ELMO1: variants seen among roughly 807,000 people sequenced by gnomAD.
The protein encoded by ELMO1 is engulfment and cell motility protein 1.
Under a neutral mutation model 98.9 loss-of-function variants are expected in ELMO1, and 26 were observed. The ratio of observed to expected loss-of-function variants is 0.26; its 90% CI spans 0.19 to 0.36. The LOEUF is 0.36. Ranked by LOEUF, ELMO1 falls within the 10% of genes least tolerant of loss-of-function variation. The pLI is 1.00. For missense variants in ELMO1, 627 were observed against 935.2 expected, an observed-to-expected ratio of 0.67 and a Z score of 4.30; for synonymous variants, 346 against 346.0, an observed-to-expected ratio of 1.00 and a Z score of 0.00.
At position 37,092,979 on chromosome 7, in the gene ELMO1, G is replaced by T. The variant is rs1275784871; in HGVS notation, c.1300+3640C>A. On this transcript the variant is annotated intron_variant, in intron 15 of 21. Transcript: ENST00000310758. ...CTCAGTAAACTCAGATACGCAGTAG[G>T]TGCAAGTAAGTCTTCCCTTCACTAA... is the stretch of plus-strand genomic sequence containing the variant. 2.6e-5 allele frequency among the ~76,000 whole-genome samples: 4 copies of T among 151,248 alleles called. No homozygotes were observed. The South Asian group carries it at 8.3e-4, about 31-fold the overall frequency.
At chr7:37,318,241 T>TG (rs1291728287) in intron 2 of ELMO1, among the ~76,000 whole-genome samples, 1 of 152,162 alleles carries the variant, frequency 6.6e-6, no homozygotes, top group African/African-American at 2.4e-5. Context: ...CTTATTTCCA[T>TG]AAGACAAGAA....
chr7:36,971,979 GCTTT>G (rs1170636889), intron 16 of ELMO1, among the ~76,000 whole-genome samples: 1 of 152,122 alleles, frequency 6.6e-6, no homozygotes, highest in Non-Finnish European at 1.5e-5. Context: ...GACCATGCGG[GCTTT>G]CTTTCTTGCT....
intron 8 of ELMO1, among the ~76,000 whole-genome samples, chr7:37,227,899 C>T (rs1793955692): frequency 6.6e-6 from 1 of 152,174 alleles, no homozygotes; most frequent in Non-Finnish European, 1.5e-5. Flanking sequence ...CCCTTACTTT[C>T]ATGAAAGTAT....
At chr7:36,910,006 C>T (rs994379596) in intron 16 of ELMO1, among the ~76,000 whole-genome samples, 13 of 152,238 alleles carry the variant, frequency 8.5e-5, no homozygotes, top group African/African-American at 2.9e-4. Context: ...CCTTCTTCTG[C>T]GTAAGGCATT....
At chr7:36,882,111 C>G (rs941729317) in intron 18 of ELMO1, among the ~76,000 whole-genome samples, 10 of 152,200 alleles carry the variant, frequency 6.6e-5, no homozygotes, top group African/African-American at 2.4e-4. Flanking sequence ...GCCATGGAAT[C>G]AGGACACATC....
intron 14 of ELMO1, among the ~76,000 whole-genome samples, chr7:37,127,418 C>A (rs1786602586): frequency 6.6e-6 from 1 of 152,174 alleles, no homozygotes; most frequent in African/African-American, 2.4e-5. Flanking sequence ...ATACTCCAAG[C>A]CCAGAGACGA....
chr7:37,024,680 A>G (rs886197729), intron 15 of ELMO1, among the ~76,000 whole-genome samples: 1 of 152,242 alleles, frequency 6.6e-6, no homozygotes, highest in Non-Finnish European at 1.5e-5. Context: ...ACAAAAACTC[A>G]TATCTTGTAG....
At chr7:37,180,264 G>A (rs979635982) in intron 13 of ELMO1, among the ~76,000 whole-genome samples, 12 of 152,048 alleles carry the variant, frequency 7.9e-5, no homozygotes, top group African/African-American at 2.7e-4. Context: ...TGCCGTCTCC[G>A]TGCCATCACT....
At chr7:37,307,807 T>C (rs767967253) in intron 4 of ELMO1, among the ~76,000 whole-genome samples, 6 of 152,300 alleles carry the variant, frequency 3.9e-5, no homozygotes, top group African/African-American at 7.2e-5. Context: ...TCAATCTCTA[T>C]GCGAATTTTA....
rs1050408989 is a variant in ELMO1 at position 36,949,495 on chromosome 7, A to T, written c.1438-54478T>A. ...CTCTCTCGGTGGCAGACATCAGACC[A>T]GGTTCTCTTGCTCTGTCCTCTTCAC... is the stretch of plus-strand genomic sequence containing the variant. On this transcript the variant is annotated intron_variant, in intron 16 of 21. Transcript: ENST00000310758. Among the ~76,000 whole-genome samples the T allele has an allele frequency of 1.1e-4, 17 of 151,514 alleles. 1 individual carries two copies. Among genetic ancestry groups the T allele is most frequent in the Non-Finnish European group, 1.5e-5 (1 of 67,852 alleles).
rs145732740 is a variant in ELMO1, at chr7:37,039,733, G to A, written c.1301-26298C>T. On this transcript the variant is annotated intron_variant, in intron 15 of 21. Coordinates refer to ENST00000310758, the MANE Select transcript of ELMO1 (RefSeq NM_014800.11). The stretch of plus-strand genomic sequence containing the variant: ...TGTCTAATTCCTCTTCCTAGCTATC[G>A]ACAATAAATACTTAAAATTCACACG... Among the ~76,000 whole-genome samples the A allele has an allele frequency of 3.1e-3, 472 of 152,172 alleles. 3 individuals are homozygous for A. The highest frequency in any genetic ancestry group is 0.011 in the African/African-American group (437 of 41,510).
intron 16 of ELMO1, among the ~76,000 whole-genome samples, chr7:36,970,010 T>A (rs1228472237): frequency 1.3e-5 from 2 of 152,146 alleles, no homozygotes; most frequent in African/African-American, 4.8e-5. Context: ...ATACCGATAG[T>A]AAAAATATGT....
At chr7:37,141,122 G>C (rs1395251126) in intron 13 of ELMO1, among the ~76,000 whole-genome samples, 4 of 152,170 alleles carry the variant, frequency 2.6e-5, no homozygotes, top group Non-Finnish European at 5.9e-5. Flanking sequence ...CAAAAATATG[G>C]AACCAGCCCA....
chr7:37,382,066 C>T (rs1802604240), intron 1 of ELMO1, among the ~76,000 whole-genome samples: 1 of 152,130 alleles, frequency 6.6e-6, no homozygotes, highest in African/African-American at 2.4e-5. Context: ...TATGTCAAGA[C>T]TCTCTGGATA....
chr7:37,156,678 G>C (rs530786535), intron 13 of ELMO1, among the ~76,000 whole-genome samples: 1 of 148,600 alleles, frequency 6.7e-6, no homozygotes. Context: ...GGCAGTAATA[G>C]CCTACCAACC....
At chr7:36,948,642 AT>A (rs1562848023) in intron 16 of ELMO1, among the ~76,000 whole-genome samples, 1 of 151,930 alleles carries the variant, frequency 6.6e-6, no homozygotes, top group South Asian at 2.1e-4. Context: ...AGATTATCTC[AT>A]TTTTTTCTTC....
chr7:37,038,967 A>G (rs909506694), intron 15 of ELMO1, among the ~76,000 whole-genome samples: 1 of 152,186 alleles, frequency 6.6e-6, no homozygotes, highest in African/African-American at 2.4e-5. Context: ...TAATGGCCCA[A>G]TCTCCAAATA....
In ELMO1 at chr7:37,120,592, T is replaced by C. The variant is rs529712129; in HGVS notation, c.1191+12538A>G. 1.4e-4 allele frequency among the ~76,000 whole-genome samples: 21 copies of C among 152,306 alleles called. No homozygotes were observed. The East Asian group carries it at 3.9e-3, about 28-fold the overall frequency. The stretch of plus-strand genomic sequence containing the variant: ...GAGTCTAGGGGAGGGGCACCCGCCA[T>C]TGCTGAGGCTTGAGTAGGTAAACAA... On this transcript the variant is annotated intron_variant, in intron 14 of 21. Coordinates refer to ENST00000310758, the MANE Select transcript of ELMO1 (RefSeq NM_014800.11).
intron 13 of ELMO1, among the ~76,000 whole-genome samples, chr7:37,192,925 T>C (rs955262083): frequency 7.6e-6 from 1 of 131,546 alleles, no homozygotes; most frequent in African/African-American, 3.0e-5. Context: ...ATATATTATA[T>C]ATAATTTATA....
Sources: gnomAD v4.1 joint callset for allele counts (sites outside exome capture counted in the v4.1 genomes callset) on GRCh38, gnomAD v4.1.1 for gene constraint, MANE v1.5 for transcripts, NCBI Gene and HGNC (gene_info 2026-07-23, HGNC 2026-07-21) for gene names.